Variants in TIAM1 observed in about 807,000 individuals in gnomAD.
The protein encoded by TIAM1 is TIAM Rac1 associated GEF 1.
In TIAM1, 65 loss-of-function variants were observed where a neutral mutation model predicts 163.5. That is an observed-to-expected ratio of 0.40 (90% confidence interval 0.33 to 0.49). The LOEUF is 0.49. Among genes scored for constraint, TIAM1 ranks in the 20% least tolerant of loss-of-function variants. The pLI is 0.77. For missense variants in TIAM1, 1,789 were observed against 2,044.7 expected (o/e 0.87, Z 2.41); for synonymous variants, 833 against 810.1 (o/e 1.03, Z -0.48).
intron 3 of TIAM1, among the ~76,000 whole-genome samples, chr21:31,275,797 T>C (rs1205264957): frequency 6.6e-6 from 1 of 152,152 alleles, no homozygotes; most frequent in Non-Finnish European, 1.5e-5. Flanking sequence ...CCAATTCATA[T>C]CATATTCAAG....
intron 2 of TIAM1, among the ~76,000 whole-genome samples, chr21:31,286,668 G>A (rs1228366455): frequency 6.6e-6 from 1 of 152,202 alleles, no homozygotes; most frequent in Non-Finnish European, 1.5e-5. Context: ...AGCTGTGGCT[G>A]TGCCATGGTA....
intron 2 of TIAM1, among the ~76,000 whole-genome samples, chr21:31,392,038 T>A (rs2076973426): frequency 6.6e-6 from 1 of 152,232 alleles, no homozygotes; most frequent in Admixed American, 6.5e-5. Flanking sequence ...TAGATAATTC[T>A]GCCTAACTGT....
intron 4 of TIAM1, among the ~76,000 whole-genome samples, chr21:31,259,605 C>A (rs978037571): frequency 6.7e-6 from 1 of 149,122 alleles, no homozygotes; most frequent in African/African-American, 2.5e-5. Flanking sequence ...CTGGGAAACA[C>A]AGCAAGACCT....
intron 2 of TIAM1, among the ~76,000 whole-genome samples, chr21:31,353,400 T>TC (rs2076265820): frequency 6.6e-6 from 1 of 152,188 alleles, no homozygotes; most frequent in South Asian, 2.1e-4. Context: ...CACAGGCCTA[T>TC]CCCTTAATCT....
In TIAM1 at chr21:31,164,925, G is replaced by C. The variant is rs747219014; in HGVS notation, c.2991+37C>G. 3.1e-6 allele frequency: 5 copies of C among 1,596,976 alleles called. No homozygotes were observed. The South Asian group carries it at 4.4e-5, about 14-fold the overall frequency. ...CATTGTCAGCTGTGATTCTTCAGTGGTTCAAAGCATGGGATGTGAAAATGA... is the reference window on the plus strand; with the variant it reads ...CATTGTCAGCTGTGATTCTTCAGTGCTTCAAAGCATGGGATGTGAAAATGA... On this transcript the variant is annotated intron_variant, in intron 16 of 27. Coordinates refer to ENST00000541036, the MANE Select transcript of TIAM1 (RefSeq NM_001353694.2).
chr21:31,282,162 G>A (rs989388840), intron 2 of TIAM1, among the ~76,000 whole-genome samples: 2 of 152,150 alleles, frequency 1.3e-5, no homozygotes, highest in Non-Finnish European at 2.9e-5. Context: ...TGTCCAAATC[G>A]ATGGCTCAAA....
chr21:31,161,058 TGTG>T (rs2083897461), intron 16 of TIAM1: 1 of 152,162 alleles, frequency 6.6e-6, no homozygotes, highest in Admixed American at 6.6e-5. Flanking sequence ...TGTGTGTGTG[TGTG>T]TGTGTGTGTG....
At chr21:31,495,440 T>A (rs2046607188) in intron 1 of TIAM1, among the ~76,000 whole-genome samples, 1 of 152,148 alleles carries the variant, frequency 6.6e-6, no homozygotes, top group Non-Finnish European at 1.5e-5. Flanking sequence ...GAGAGCCAAA[T>A]GCCGCGTAAA....
chr21:31,257,540 G>C (rs548952919), intron 4 of TIAM1, among the ~76,000 whole-genome samples: 50 of 151,952 alleles, frequency 3.3e-4, no homozygotes, highest in Non-Finnish European at 5.4e-4. Flanking sequence ...ATATATCAGA[G>C]ACTCAGTTTT....
intron 2 of TIAM1, chr21:31,452,479 G>C (rs1265976371): frequency 9.3e-6 from 5 of 540,040 alleles, no homozygotes; most frequent in African/African-American, 5.9e-5. Context: ...GCTATGACTA[G>C]TGTCAAATTG....
chr21:31,453,169 G>T, intron 2 of TIAM1: 1 of 284,922 alleles, frequency 3.5e-6, no homozygotes, highest in South Asian at 4.7e-5. Flanking sequence ...AAAACACAGT[G>T]GTGTTACGGC....
At chr21:31,143,027 T>C (rs1385831407) in intron 20 of TIAM1, among the ~76,000 whole-genome samples, 1 of 152,120 alleles carries the variant, frequency 6.6e-6, no homozygotes, top group East Asian at 1.9e-4. Context: ...AACGTAACAG[T>C]GGACACACGC....
intron 2 of TIAM1, among the ~76,000 whole-genome samples, chr21:31,421,816 C>T (rs945747245): frequency 6.6e-5 from 10 of 151,982 alleles, no homozygotes; most frequent in Non-Finnish European, 1.3e-4. Context: ...ACAGTGAGAC[C>T]CTATCTCTAC....
In TIAM1 at chr21:31,529,969, C is replaced by T. The variant is rs112701481; in HGVS notation, c.-422+28958G>A. On this transcript the variant is annotated intron_variant, in intron 1 of 28. Transcript: ENST00000286827. ...CACCTTTGCTGGAGCCAGGACCTAG[C>T]ACTGCTTTTGCGACCCCCCTGCAAA... 1.4e-3 allele frequency among the ~76,000 whole-genome samples: 210 copies of T among 152,308 alleles called. 1 individual carries two copies. The highest frequency in any genetic ancestry group is 4.8e-3 in the African/African-American group (200 of 41,574).
intron 1 of TIAM1, among the ~76,000 whole-genome samples, chr21:31,542,474 C>A (rs1220627209): frequency 6.6e-6 from 1 of 151,876 alleles, no homozygotes; most frequent in Non-Finnish European, 1.5e-5. Context: ...GTGGGATCAT[C>A]TCACCTCTGA....
chr21:31,274,259 A>G (rs578182401), intron 3 of TIAM1, among the ~76,000 whole-genome samples: 1 of 152,174 alleles, frequency 6.6e-6, no homozygotes, highest in Non-Finnish European at 1.5e-5. Flanking sequence ...CACATAAAAA[A>G]GAAAGGTCAA....
intron 16 of TIAM1, among the ~76,000 whole-genome samples, chr21:31,160,124 C>T (rs1343815049): frequency 6.6e-6 from 1 of 152,078 alleles, no homozygotes; most frequent in African/African-American, 2.4e-5. Flanking sequence ...ATAACCAAAA[C>T]AAAGGCAAAA....
intron 15 of TIAM1, among the ~76,000 whole-genome samples, chr21:31,166,971 T>A (rs2084253482): frequency 6.6e-6 from 1 of 152,018 alleles, no homozygotes; most frequent in Non-Finnish European, 1.5e-5. Flanking sequence ...CCTCCTGGAG[T>A]TGAACAACCC....
At chr21:31,538,438 G>A (rs939473046) in intron 1 of TIAM1, among the ~76,000 whole-genome samples, 1 of 152,152 alleles carries the variant, frequency 6.6e-6, no homozygotes, top group African/African-American at 2.4e-5. Flanking sequence ...AGCTACTCAG[G>A]AGGCTGAGAT....
Sources: gnomAD v4.1 joint callset for allele counts (sites outside exome capture counted in the v4.1 genomes callset) on GRCh38, gnomAD v4.1.1 for gene constraint, MANE v1.5 for transcripts, NCBI Gene and HGNC (gene_info 2026-07-23, HGNC 2026-07-21) for gene names.